The following ATXN7L1 variants were observed in gnomAD, a reference collection of about 807,000 sequenced individuals.
ATXN7L1 encodes the protein ataxin-7-like protein 1.
A neutral mutation model predicts 70.8 loss-of-function variants in ATXN7L1; 15 were observed. The ratio of observed to expected loss-of-function variants is 0.21; its 90% confidence interval spans 0.14 to 0.33. The LOEUF (loss-of-function observed/expected upper bound fraction) is 0.33, where lower values mean the gene tolerates loss of function less well. ATXN7L1 is among the 10% of genes least tolerant of loss of function. The pLI, the probability that ATXN7L1 is intolerant of heterozygous loss-of-function variation, is 1.00. For synonymous variants in ATXN7L1, 440 were observed against 445.1 expected (o/e 0.99, Z 0.14); for missense variants, 975 against 1,097.1 (o/e 0.89, Z 1.57).
intron 3 of ATXN7L1, among the ~76,000 whole-genome samples, chr7:105,753,151 C>T (rs117254741): frequency 0.019 from 2,886 of 152,318 alleles, 49 homozygotes; most frequent in Middle Eastern, 0.061. Context: ...CTGAGTCTTT[C>T]TCAAGGACGG....
chr7:105,859,420 T>C (rs1263548248), intron 2 of ATXN7L1, among the ~76,000 whole-genome samples: 2 of 152,014 alleles, frequency 1.3e-5, no homozygotes, highest in Non-Finnish European at 1.5e-5. Flanking sequence ...CATATACATA[T>C]ACACACACAC....
At chr7:105,613,613 G>T (rs1793377743) in intron 10 of ATXN7L1, 2 of 1,375,892 alleles carry the variant, frequency 1.5e-6, no homozygotes, top group African/African-American at 2.9e-5. Flanking sequence ...CTGCACTGGG[G>T]TGTCGTGAGG....
At chr7:105,692,441 C>A (rs1483061012) in intron 3 of ATXN7L1, among the ~76,000 whole-genome samples, 1 of 129,306 alleles carries the variant, frequency 7.7e-6, no homozygotes, top group African/African-American at 2.8e-5. Flanking sequence ...TCCCTCCCTC[C>A]CTCCCTTCCT....
chr7:105,642,910 G>A lies in ATXN7L1; in HGVS notation c.790C>T (p.Leu264=). ...TGTTTCTTGTCTATGGTGGTTGGCA[G>A]AATTCCTTTGCCATTTAAGATCTTC... ...PEKILNGKGI[L]PTTIDKKHQN... Residue 264 remains leucine (L), a synonymous_variant, in exon 5 of 12, where the codon CTG becomes TTG. Coordinates refer to ENST00000419735, the MANE Select transcript of ATXN7L1 (RefSeq NM_020725.2). 1 of 1,551,746 alleles carries A rather than the reference G, an allele frequency of 6.4e-7. No homozygotes were observed. The highest frequency in any genetic ancestry group is 8.7e-7 in the Non-Finnish European group (1 of 1,147,004).
chr7:105,679,061 G>A (rs1288035547), intron 3 of ATXN7L1: 1 of 985,604 alleles, frequency 1.0e-6, no homozygotes, highest in Non-Finnish European at 1.2e-6. Context: ...CACATCCCGG[G>A]GAGGCTGCCT....
intron 2 of ATXN7L1, among the ~76,000 whole-genome samples, chr7:105,815,573 T>G (rs1218714400): frequency 1.3e-5 from 2 of 152,190 alleles, no homozygotes; most frequent in African/African-American, 4.8e-5. Flanking sequence ...TAACCATTAT[T>G]CAGACTGAGG....
chr7:105,614,187 G>A lies in ATXN7L1; in HGVS notation c.2147C>T (p.Pro716Leu), dbSNP rs1793491431. Residue 716 changes from proline (P) to leucine (L), a missense_variant, in exon 10 of 12, where the codon CCC becomes CTC. By Grantham distance (98) the Pro-to-Leu change is moderately conservative. Around this residue, in one of 5 missense-constraint regions of ATXN7L1, gnomAD observed 635 missense variants for 699.4 expected, o/e 0.91. Coordinates refer to ENST00000419735, the MANE Select transcript of ATXN7L1 (RefSeq NM_020725.2). The surrounding 1 kb of genome is among the most constrained non-coding windows in gnomAD (Gnocchi z 4.3). ...GVSPLSAKLEPSGRTSLPGGP... is the reference protein window; with the variant it reads ...GVSPLSAKLELSGRTSLPGGP... ...GCCGGGCAGCGAGGTCCGTCCTGAGGGCTCCAGTTTGGCACTGAGTGGGCT... is the reference window on the plus strand; with the variant it reads ...GCCGGGCAGCGAGGTCCGTCCTGAGAGCTCCAGTTTGGCACTGAGTGGGCT... The A allele has an allele frequency of 1.9e-6, 3 of 1,551,710 alleles. No individual in the cohort carries two copies. The highest frequency in any genetic ancestry group is 1.2e-5 in the South Asian group (1 of 84,066).
At position 105,643,088 on chromosome 7, in the gene ATXN7L1, A is replaced by G. The variant is rs1218378822; in HGVS notation, c.612T>C (p.Ile204=). The G allele has an allele frequency of 1.3e-6, 2 of 1,540,424 alleles. No individual in the cohort carries two copies. Among genetic ancestry groups the G allele is most frequent in the Admixed American group, 4.0e-5 (2 of 49,910 alleles). ...CACCATCTGCCTTCACTAGGTTAGG[A>G]ATTTTCTCTAAACTGACTACAGGAA... ...VPVPVVSLEK[I]PNLVKADGAN... is the part of the protein sequence containing the mutation. Residue 204 remains isoleucine (I), a synonymous_variant, in exon 5 of 12, where the codon ATT becomes ATC. Coordinates refer to ENST00000419735, the MANE Select transcript of ATXN7L1 (RefSeq NM_020725.2).
chr7:105,608,145 C>T (rs1243242569), intron 11 of ATXN7L1, among the ~76,000 whole-genome samples: 2 of 152,176 alleles, frequency 1.3e-5, no homozygotes, highest in East Asian at 3.9e-4. Flanking sequence ...AGGACGAATG[C>T]CGCGGACATT....
chr7:105,719,952 C>A (rs1313422121), intron 3 of ATXN7L1, among the ~76,000 whole-genome samples: 1 of 152,210 alleles, frequency 6.6e-6, no homozygotes, highest in Non-Finnish European at 1.5e-5. Flanking sequence ...AGCCGTGACC[C>A]CACTTTGGAT....
intron 3 of ATXN7L1, among the ~76,000 whole-genome samples, chr7:105,690,881 A>G (rs576186363): frequency 6.6e-6 from 1 of 152,304 alleles, no homozygotes; most frequent in African/African-American, 2.4e-5. Flanking sequence ...TGTTTTCGCT[A>G]AGCTTTAGTT....
At chr7:105,856,516 G>A (rs543337942) in intron 2 of ATXN7L1, among the ~76,000 whole-genome samples, 8 of 150,958 alleles carry the variant, frequency 5.3e-5, no homozygotes, top group African/African-American at 1.7e-4. Context: ...AACTTGGGAG[G>A]TGGAGACTGC....
At chr7:105,634,017 G>T (rs1796998474) in intron 7 of ATXN7L1, among the ~76,000 whole-genome samples, 2 of 152,166 alleles carry the variant, frequency 1.3e-5, no homozygotes, top group Non-Finnish European at 2.9e-5. Context: ...TCCTGGAGGT[G>T]ATATAGTGGT....
In ATXN7L1 at chr7:105,614,465, G is replaced by T; in HGVS notation, c.1869C>A (p.Thr623=). The T allele has an allele frequency of 6.5e-7, 1 of 1,538,034 alleles. No homozygotes were observed. Among genetic ancestry groups the T allele is most frequent in the Non-Finnish European group, 8.8e-7 (1 of 1,139,504 alleles). The change falls in exon 10 of 12, where the codon ACC becomes ACA. Residue 623 remains threonine, a synonymous_variant. Coordinates refer to ENST00000419735, the MANE Select transcript of ATXN7L1 (RefSeq NM_020725.2). The surrounding 1 kb of genome is among the most constrained non-coding windows in gnomAD (Gnocchi z 4.3). The stretch of plus-strand genomic sequence containing the variant: ...GGTCTTTGACTTTTGAGGATTTGCT[G>T]GTTTTGGTTTTGGATGGCTTGTGGG... ...SPSHKPSKTK[T]SKSSKVKDLS...
chr7:105,842,242 CA>C (rs1172404238), intron 2 of ATXN7L1, among the ~76,000 whole-genome samples: 5 of 151,016 alleles, frequency 3.3e-5, no homozygotes, highest in Admixed American at 3.3e-4. Flanking sequence ...TCATATAACA[CA>C]AAATTAATTA....
intron 2 of ATXN7L1, among the ~76,000 whole-genome samples, chr7:105,836,286 G>A (rs558793995): frequency 1.3e-5 from 2 of 152,138 alleles, no homozygotes; most frequent in Admixed American, 6.5e-5. Flanking sequence ...ATATTTAGCC[G>A]AAAGTACTCT....
chr7:105,751,438 C>G (rs1799198804), intron 3 of ATXN7L1, among the ~76,000 whole-genome samples: 1 of 152,022 alleles, frequency 6.6e-6, no homozygotes, highest in Non-Finnish European at 1.5e-5. Flanking sequence ...TCGAGACCAG[C>G]CTGGGCAACA....
chr7:105,732,159 C>T (rs1796647829), intron 3 of ATXN7L1, among the ~76,000 whole-genome samples: 1 of 152,118 alleles, frequency 6.6e-6, no homozygotes, highest in Admixed American at 6.6e-5. Context: ...CCTGTAATCC[C>T]AACACTTTGA....
chr7:105,692,370 T>TTTCC (rs60485799), intron 3 of ATXN7L1, among the ~76,000 whole-genome samples: 8,253 of 94,500 alleles, frequency 0.087, 658 homozygotes, highest in Middle Eastern at 0.14. Context: ...AATTTCTTTC[T>TTTCC]TTCCTTCCTT....
Sources: gnomAD v4.1 joint callset for allele counts (sites outside exome capture counted in the v4.1 genomes callset) on GRCh38, gnomAD v4.1.1 for gene constraint, gnomAD v4.1.1 regional missense constraint, Gnocchi (gnomAD v3.1) non-coding constraint, MANE v1.5 for transcripts, NCBI Gene and HGNC (gene_info 2026-07-23, HGNC 2026-07-21) for gene names.